The following HPSE2 variants were observed in gnomAD, a reference collection of about 807,000 sequenced individuals.
The protein encoded by HPSE2 is inactive heparanase-2.
A neutral mutation model predicts 60.5 loss-of-function variants in HPSE2; 38 were observed. That is an observed-to-expected ratio of 0.63 (90% confidence interval 0.48 to 0.82). The LOEUF (loss-of-function observed/expected upper bound fraction) is 0.82. Ranked by LOEUF, HPSE2 falls within the 40% of genes least tolerant of loss-of-function variation. The pLI is 0.00. For synonymous variants in HPSE2, 295 were observed against 293.2 expected (o/e 1.01, Z -0.06); for missense variants, 713 against 740.4 (o/e 0.96, Z 0.43).
intron 3 of HPSE2, among the ~76,000 whole-genome samples, chr10:98,959,009 T>C (rs187392836): frequency 6.6e-6 from 1 of 152,152 alleles, no homozygotes; most frequent in East Asian, 1.9e-4. Context: ...TTTAAAGAGT[T>C]GATGTTAAGA....
chr10:99,114,268 T>C (rs1205542797), intron 3 of HPSE2, among the ~76,000 whole-genome samples: 6 of 152,212 alleles, frequency 3.9e-5, no homozygotes, highest in African/African-American at 1.2e-4. Context: ...AATTCACCCA[T>C]ATTCAACCAA....
intron 3 of HPSE2, among the ~76,000 whole-genome samples, chr10:98,855,124 G>C (rs1393356113): frequency 6.6e-6 from 1 of 152,192 alleles, no homozygotes; most frequent in Non-Finnish European, 1.5e-5. Flanking sequence ...TGCACTTGCA[G>C]AAAATGGGAC....
chr10:98,822,019 A>C (rs1951435958), intron 3 of HPSE2, among the ~76,000 whole-genome samples: 2 of 152,224 alleles, frequency 1.3e-5, no homozygotes, highest in Admixed American at 6.5e-5. Context: ...CAACAAATTT[A>C]CGGTATGGTC....
intron 11 of HPSE2, among the ~76,000 whole-genome samples, chr10:98,474,844 T>C (rs1940933201): frequency 6.6e-6 from 1 of 152,188 alleles, no homozygotes; most frequent in Non-Finnish European, 1.5e-5. Flanking sequence ...TTCCTGTTAG[T>C]TGTTTGTTTC....
At chr10:98,985,889 T>C (rs376169325) in intron 3 of HPSE2, among the ~76,000 whole-genome samples, 29 of 151,686 alleles carry the variant, frequency 1.9e-4, no homozygotes, top group Non-Finnish European at 3.4e-4. Context: ...TCAAAAGAGA[T>C]AAAGAAGGCC....
intron 3 of HPSE2, among the ~76,000 whole-genome samples, chr10:98,890,423 A>G (rs570069081): frequency 3.0e-4 from 46 of 152,176 alleles, no homozygotes; most frequent in Non-Finnish European, 5.0e-4. Context: ...GAAAATATGA[A>G]TGATATAGTA....
At chr10:99,190,401 T>C (rs1344730409) in intron 2 of HPSE2, among the ~76,000 whole-genome samples, 1 of 152,182 alleles carries the variant, frequency 6.6e-6, no homozygotes. Flanking sequence ...CTGTAAAGAT[T>C]GAAGTACTCA....
chr10:98,674,005 A>G (rs2484939), intron 6 of HPSE2, among the ~76,000 whole-genome samples: 131,641 of 152,180 alleles, frequency 0.87, 58,884 homozygotes, highest in Non-Finnish European at 0.99. Flanking sequence ...GTAGGTCCAG[A>G]TTGGGGCTCA....
intron 3 of HPSE2, among the ~76,000 whole-genome samples, chr10:99,039,893 C>T: frequency 6.6e-6 from 1 of 152,092 alleles, no homozygotes; most frequent in Admixed American, 6.6e-5. Flanking sequence ...ACAAAAATAA[C>T]CAGAGTCAGG....
At chr10:98,864,894 A>G (rs79383792) in intron 3 of HPSE2, among the ~76,000 whole-genome samples, 122 of 152,306 alleles carry the variant, frequency 8.0e-4, no homozygotes, top group African/African-American at 2.9e-3. Context: ...CAAGTAATTT[A>G]AAGAAATATG....
chr10:98,846,241 T>C (rs1952031631), intron 3 of HPSE2, among the ~76,000 whole-genome samples: 1 of 152,214 alleles, frequency 6.6e-6, no homozygotes, highest in Non-Finnish European at 1.5e-5. Flanking sequence ...ATTGAAATTT[T>C]TGATAACTAT....
chr10:98,637,000 T>TC (rs1433048655), intron 7 of HPSE2, among the ~76,000 whole-genome samples: 2 of 152,154 alleles, frequency 1.3e-5, no homozygotes, highest in Admixed American at 6.6e-5. Flanking sequence ...ATCTGACTCT[T>TC]CCCTGTATTT....
At chr10:99,313,603 T>TTTC in the HPSE2 span, among the ~76,000 whole-genome samples, 1 of 130,172 alleles carries the variant, frequency 7.7e-6, no homozygotes, top group South Asian at 2.8e-4. Flanking sequence ...TTTTTTTTTT[T>TTTC]TTTTTTTTTT....
At chr10:98,726,490 CAGGGGG>C (rs1949084219) in intron 4 of HPSE2, among the ~76,000 whole-genome samples, 1 of 69,834 alleles carries the variant, frequency 1.4e-5, no homozygotes. Context: ...TGTTGTGGGG[CAGGGGG>C]AGGGGGGAGG....
chr10:98,575,946 TG>T (rs1393836637), intron 9 of HPSE2, among the ~76,000 whole-genome samples: 1 of 152,200 alleles, frequency 6.6e-6, no homozygotes, highest in African/African-American at 2.4e-5. Flanking sequence ...TCATCTTGTG[TG>T]CACCTCCACT....
Position 98,595,542 on chromosome 10 carries a change from T to C in HPSE2, c.1320+19362A>G, listed in dbSNP as rs938800586. On this transcript the variant is annotated intron_variant, in intron 9 of 11. Coordinates refer to ENST00000370552, the MANE Select transcript of HPSE2 (RefSeq NM_021828.5). ...ATATTAATATGCTACTATTTTTATA[T>C]ATTGGTTTTATATCCTGCAATTTTA... Among the ~76,000 whole-genome samples the C allele has an allele frequency of 8.5e-5, 13 of 152,242 alleles. No homozygotes were observed. In the East Asian group the frequency reaches 1.9e-3, roughly 23 times the overall value.
intron 2 of HPSE2, among the ~76,000 whole-genome samples, chr10:99,208,714 A>T (rs1848851124): frequency 6.6e-6 from 1 of 151,934 alleles, no homozygotes; most frequent in Non-Finnish European, 1.5e-5. Context: ...AAAAAGACAT[A>T]GAGTGACTGA....
intron 3 of HPSE2, among the ~76,000 whole-genome samples, chr10:98,863,374 T>C (rs189988811): frequency 6.6e-6 from 1 of 152,274 alleles, no homozygotes; most frequent in African/African-American, 2.4e-5. Context: ...TGTATCTGTG[T>C]GTCTGTGTCT....
chr10:99,160,120 C>CAA (rs5787324), intron 2 of HPSE2, among the ~76,000 whole-genome samples: 2 of 129,110 alleles, frequency 1.5e-5, no homozygotes, highest in African/African-American at 3.3e-5. Flanking sequence ...TAGACTCTGA[C>CAA]AAAAAAAAAA....
Sources: gnomAD v4.1 joint callset for allele counts (sites outside exome capture counted in the v4.1 genomes callset) on GRCh38, gnomAD v4.1.1 for gene constraint, MANE v1.5 for transcripts, NCBI Gene and HGNC (gene_info 2026-07-23, HGNC 2026-07-21) for gene names.